The following MALRD1 variants were observed in gnomAD, a reference collection of about 807,000 sequenced individuals.
MALRD1 encodes the protein MAM and LDL receptor class A domain containing 1, also known as MAM and LDL-receptor class A domain-containing protein 1.
MALRD1 carries 247 observed loss-of-function variants against 242.1 expected under a neutral mutation model. The ratio of observed to expected loss-of-function variants is 1.02; its 90% CI spans 0.92 to 1.13. The LOEUF (loss-of-function observed/expected upper bound fraction) is 1.13, where lower values mean the gene tolerates loss of function less well. Ranked by LOEUF, MALRD1 falls within the 50% of genes most tolerant of loss-of-function variation. MALRD1 has a pLI of 0.00. For synonymous variants in MALRD1, 995 were observed against 866.6 expected (o/e 1.15, Z -2.60); for missense variants, 2,989 against 2,533.1 (o/e 1.18, Z -3.86).
intron 21 of MALRD1, among the ~76,000 whole-genome samples, chr10:19,312,273 C>T (rs1338402615): frequency 5.3e-5 from 8 of 150,786 alleles, no homozygotes; most frequent in African/African-American, 1.7e-4. Context: ...ATCCAAGGGT[C>T]GGCTTTTTCT....
intron 33 of MALRD1, among the ~76,000 whole-genome samples, chr10:19,580,515 C>G (rs1053388488): frequency 6.6e-6 from 1 of 152,114 alleles, no homozygotes; most frequent in Non-Finnish European, 1.5e-5. Context: ...TCCAAAACTC[C>G]TCTTTTATTA....
At chr10:19,695,035 A>G (rs1320795786) in intron 38 of MALRD1, among the ~76,000 whole-genome samples, 1 of 152,142 alleles carries the variant, frequency 6.6e-6, no homozygotes, top group Non-Finnish European at 1.5e-5. Context: ...GAACACTTGG[A>G]CAGAGGAAGG....
At chr10:19,303,215 G>A (rs1324391780) in intron 21 of MALRD1, among the ~76,000 whole-genome samples, 1 of 151,468 alleles carries the variant, frequency 6.6e-6, no homozygotes, top group Non-Finnish European at 1.5e-5. Context: ...ACTATCCCAA[G>A]ACCAAAACAA....
At chr10:19,605,237 C>T (rs1241031051) in intron 34 of MALRD1, among the ~76,000 whole-genome samples, 1 of 151,494 alleles carries the variant, frequency 6.6e-6, no homozygotes, top group South Asian at 2.1e-4. Flanking sequence ...TCACTGTAAC[C>T]TCCACCTCCC....
intron 18 of MALRD1, among the ~76,000 whole-genome samples, chr10:19,240,339 T>C (rs150657438): frequency 1.9e-3 from 287 of 152,224 alleles, no homozygotes; most frequent in African/African-American, 6.2e-3. Context: ...TTTTGTATAC[T>C]ACAACTTTAC....
chr10:19,565,214 AGTCAT>A (rs1836199270), intron 32 of MALRD1, among the ~76,000 whole-genome samples: 1 of 152,104 alleles, frequency 6.6e-6, no homozygotes, highest in Non-Finnish European at 1.5e-5. Flanking sequence ...GGGGAGGGAA[AGTCAT>A]GGTGTGGTTT....
chr10:19,556,527 T>TCC (rs1835724998), intron 32 of MALRD1, among the ~76,000 whole-genome samples: 1 of 152,144 alleles, frequency 6.6e-6, no homozygotes, highest in African/African-American at 2.4e-5. Context: ...AACTACGCTT[T>TCC]TCAGATTGAC....
At chr10:19,423,673 A>T (rs1833797240) in intron 28 of MALRD1, among the ~76,000 whole-genome samples, 6 of 152,100 alleles carry the variant, frequency 3.9e-5, no homozygotes, top group Admixed American at 3.9e-4. Flanking sequence ...AGCTTCCAGG[A>T]ATGGGAGAGG....
At chr10:19,363,725 T>C (rs1415103806) in intron 26 of MALRD1, among the ~76,000 whole-genome samples, 2 of 152,012 alleles carry the variant, frequency 1.3e-5, no homozygotes, top group Non-Finnish European at 2.9e-5. Context: ...GATGAATGAG[T>C]CTTGATGAGA....
intron 21 of MALRD1, among the ~76,000 whole-genome samples, chr10:19,291,798 T>G (rs1841440870): frequency 6.6e-6 from 1 of 150,656 alleles, no homozygotes; most frequent in South Asian, 2.1e-4. Flanking sequence ...AAAAATAAAA[T>G]TTGTGGGCCA....
At chr10:19,141,895 G>A (rs1000101279) in intron 10 of MALRD1, among the ~76,000 whole-genome samples, 5 of 151,890 alleles carry the variant, frequency 3.3e-5, no homozygotes, top group Admixed American at 1.3e-4. Context: ...ATGTTGGGCC[G>A]GGTGCGGTGG....
At chr10:19,514,882 G>T (rs1300972875) in intron 31 of MALRD1, among the ~76,000 whole-genome samples, 1 of 152,054 alleles carries the variant, frequency 6.6e-6, no homozygotes, top group South Asian at 2.1e-4. Context: ...TCAAATTCTT[G>T]TTTTGTATCA....
chr10:19,312,796 A>G (rs568359192), intron 21 of MALRD1, among the ~76,000 whole-genome samples: 1 of 151,524 alleles, frequency 6.6e-6, no homozygotes, highest in African/African-American at 2.4e-5. Context: ...ATTTAGATGA[A>G]ATTAGATTTT....
intron 38 of MALRD1, among the ~76,000 whole-genome samples, chr10:19,721,176 A>C (rs187494117): frequency 5.3e-5 from 8 of 152,316 alleles, no homozygotes; most frequent in Non-Finnish European, 1.0e-4. Flanking sequence ...AAATTGGTAT[A>C]ATTAAAAATG....
intron 1 of MALRD1, among the ~76,000 whole-genome samples, chr10:19,052,421 A>G (rs1834536410): frequency 6.6e-6 from 1 of 152,196 alleles, no homozygotes; most frequent in African/African-American, 2.4e-5. Context: ...AAGTGTAACC[A>G]CTGTCCATGT....
intron 38 of MALRD1, among the ~76,000 whole-genome samples, chr10:19,719,244 A>ATG (rs1554830473): frequency 0.093 from 8,992 of 96,860 alleles, 1,180 homozygotes; most frequent in African/African-American, 0.21. Context: ...ATATATATAT[A>ATG]TATATATATA....
chr10:19,511,585 G>C (rs1194644735), intron 31 of MALRD1, among the ~76,000 whole-genome samples: 2 of 152,108 alleles, frequency 1.3e-5, no homozygotes, highest in Non-Finnish European at 2.9e-5. Context: ...CCTACTGTTA[G>C]CTTTAAACAA....
intron 36 of MALRD1, among the ~76,000 whole-genome samples, chr10:19,666,682 T>G (rs1325312728): frequency 2.0e-5 from 3 of 152,186 alleles, no homozygotes; most frequent in Non-Finnish European, 4.4e-5. Flanking sequence ...TACCTATCTT[T>G]TCTATAACTG....
chr10:19,424,939 AAAAAAAT>A (rs1833850859), intron 28 of MALRD1, among the ~76,000 whole-genome samples: 1 of 152,186 alleles, frequency 6.6e-6, no homozygotes. Context: ...GAAATGGAAA[AAAAAAAT>A]AAAAAATAAA....
Sources: allele counts gnomAD v4.1 joint callset (sites outside exome capture counted in the v4.1 genomes callset), GRCh38; gene constraint gnomAD v4.1.1; transcripts MANE v1.5; gene names NCBI Gene and HGNC (gene_info 2026-07-23, HGNC 2026-07-21).